Variants in SLC35F1 observed in about 807,000 individuals in gnomAD.
The protein encoded by SLC35F1 is chromosome 6 open reading frame 169.
In SLC35F1, 14 loss-of-function variants were observed where a neutral mutation model predicts 48.7. That is an observed-to-expected ratio of 0.29 (90% CI 0.19 to 0.45). The LOEUF (loss-of-function observed/expected upper bound fraction) is 0.45. Among genes scored for constraint, SLC35F1 ranks in the 20% least tolerant of loss-of-function variants. SLC35F1 has a pLI of 1.00. For missense variants in SLC35F1, 404 were observed against 500.0 expected (o/e 0.81, Z 1.83); for synonymous variants, 190 against 202.2 (o/e 0.94, Z 0.51).
Position 117,907,314 on chromosome 6 carries a change from C to T in SLC35F1, c.-413C>T, listed in dbSNP as rs1344666804. ...GGGGCACAGGCTGAGGCGGCGCCAGCACAACTGCCGCCGCGCGCCCCGAGG... is the reference window on the plus strand; with the variant it reads ...GGGGCACAGGCTGAGGCGGCGCCAGTACAACTGCCGCCGCGCGCCCCGAGG... On this transcript the variant is annotated 5_prime_UTR_variant, in exon 1 of 8. Coordinates refer to ENST00000360388, the MANE Select transcript of SLC35F1 (RefSeq NM_001029858.4). Among the ~76,000 whole-genome samples the T allele has an allele frequency of 1.3e-5, 2 of 150,956 alleles. No homozygotes were observed. The highest frequency in any genetic ancestry group is 3.0e-5 in the Non-Finnish European group (2 of 67,716).
intron 7 of SLC35F1, among the ~76,000 whole-genome samples, chr6:118,296,548 G>C (rs1460943862): frequency 6.6e-6 from 1 of 152,224 alleles, no homozygotes; most frequent in East Asian, 1.9e-4. Flanking sequence ...AGGAATATGA[G>C]AAGGATTAGA....
intron 7 of SLC35F1, among the ~76,000 whole-genome samples, chr6:118,293,920 A>G (rs1776153805): frequency 1.3e-5 from 2 of 152,238 alleles, no homozygotes; most frequent in South Asian, 4.1e-4. Context: ...AACAGCATGG[A>G]CTTCAGAGTC....
intron 1 of SLC35F1, among the ~76,000 whole-genome samples, chr6:117,947,089 G>A (rs1276620066): frequency 6.6e-6 from 1 of 152,170 alleles, no homozygotes; most frequent in Non-Finnish European, 1.5e-5. Flanking sequence ...AATTGGAAGG[G>A]TAATATAAAG....
At chr6:118,008,958 A>T (rs887573449) in intron 1 of SLC35F1, among the ~76,000 whole-genome samples, 2 of 152,210 alleles carry the variant, frequency 1.3e-5, no homozygotes, top group Non-Finnish European at 2.9e-5. Context: ...TATTATAATT[A>T]TTGAACATAT....
intron 1 of SLC35F1, among the ~76,000 whole-genome samples, chr6:118,109,897 G>T (rs748544073): frequency 4.6e-5 from 7 of 152,102 alleles, no homozygotes; most frequent in Admixed American, 2.6e-4. Context: ...TTCATTCAGC[G>T]CATAATTATT....
intron 1 of SLC35F1, among the ~76,000 whole-genome samples, chr6:117,995,486 T>C (rs760534795): frequency 1.3e-5 from 2 of 152,192 alleles, no homozygotes; most frequent in African/African-American, 4.8e-5. Context: ...AAAGGGCATG[T>C]AATCCCAGCA....
intron 1 of SLC35F1, among the ~76,000 whole-genome samples, chr6:118,118,872 C>A (rs528869453): frequency 6.6e-6 from 1 of 151,890 alleles, no homozygotes; most frequent in East Asian, 1.9e-4. Context: ...GATGTAAATG[C>A]AAACCTCTGA....
chr6:118,075,838 G>A (rs965753045), intron 1 of SLC35F1, among the ~76,000 whole-genome samples: 1 of 152,180 alleles, frequency 6.6e-6, no homozygotes, highest in African/African-American at 2.4e-5. Context: ...AGTTGAATCA[G>A]ATGTTTTTCC....
At chr6:118,053,191 C>T (rs906959540) in intron 1 of SLC35F1, among the ~76,000 whole-genome samples, 1 of 152,038 alleles carries the variant, frequency 6.6e-6, no homozygotes, top group Non-Finnish European at 1.5e-5. Context: ...ATTAGAAATC[C>T]AGTTTATGAA....
chr6:118,057,384 A>G lies in SLC35F1; in HGVS notation c.174-97061A>G, dbSNP rs143928929. 6.6e-5 allele frequency among the ~76,000 whole-genome samples: 10 copies of G among 152,290 alleles called. No homozygotes were observed. In the East Asian group the frequency reaches 1.9e-3, roughly 29 times the overall value. On this transcript the variant is annotated intron_variant, in intron 1 of 7. Transcript: ENST00000360388. ...ATCCCAGTCCCAGAGGATCCTTCTG[A>G]TGGCCACAGTGACCTTGATGGTCCC...
At chr6:118,202,860 T>C (rs1774888795) in intron 2 of SLC35F1, among the ~76,000 whole-genome samples, 1 of 152,232 alleles carries the variant, frequency 6.6e-6, no homozygotes, top group African/African-American at 2.4e-5. Flanking sequence ...GAGATGACAT[T>C]TGAGCTGAGA....
At chr6:118,106,878 T>G (rs1773333970) in intron 1 of SLC35F1, among the ~76,000 whole-genome samples, 1 of 152,202 alleles carries the variant, frequency 6.6e-6, no homozygotes, top group African/African-American at 2.4e-5. Flanking sequence ...CTTTGGATGT[T>G]CTTACCTCAT....
chr6:118,070,932 C>CTGTGTATA, intron 1 of SLC35F1, among the ~76,000 whole-genome samples: 1 of 33,086 alleles, frequency 3.0e-5, no homozygotes, highest in Non-Finnish European at 6.4e-5. Flanking sequence ...AATATATATA[C>CTGTGTATA]TATATATACA....
intron 1 of SLC35F1, among the ~76,000 whole-genome samples, chr6:118,088,328 G>A (rs1477634955): frequency 6.6e-6 from 1 of 152,134 alleles, no homozygotes; most frequent in Non-Finnish European, 1.5e-5. Context: ...TTCCATCCCT[G>A]GCACTGTGTA....
intron 1 of SLC35F1, among the ~76,000 whole-genome samples, chr6:118,009,209 A>G (rs1251664076): frequency 6.6e-6 from 1 of 152,206 alleles, no homozygotes; most frequent in Non-Finnish European, 1.5e-5. Context: ...GGAGAACACA[A>G]CAGATCTGGC....
chr6:118,176,720 T>G (rs1774494318), intron 2 of SLC35F1, among the ~76,000 whole-genome samples: 2 of 152,116 alleles, frequency 1.3e-5, no homozygotes, highest in Non-Finnish European at 2.9e-5. Flanking sequence ...GTACATTCAT[T>G]TTGTGTGTTT....
intron 2 of SLC35F1, among the ~76,000 whole-genome samples, chr6:118,226,051 A>G (rs927019873): frequency 6.6e-6 from 1 of 152,234 alleles, no homozygotes; most frequent in Non-Finnish European, 1.5e-5. Context: ...TTTGATTTTA[A>G]AATGGGAAAA....
At chr6:118,129,877 A>G (rs1773684635) in intron 1 of SLC35F1, among the ~76,000 whole-genome samples, 1 of 152,202 alleles carries the variant, frequency 6.6e-6, no homozygotes, top group South Asian at 2.1e-4. Flanking sequence ...TGTAAAAGCC[A>G]TATGATATTT....
chr6:118,082,076 C>A (rs2114322702), intron 1 of SLC35F1, among the ~76,000 whole-genome samples: 1 of 152,310 alleles, frequency 6.6e-6, no homozygotes, highest in Middle Eastern at 3.4e-3. Flanking sequence ...CAGATAATTT[C>A]TAAACCACAA....
Sources: allele counts gnomAD v4.1 joint callset (sites outside exome capture counted in the v4.1 genomes callset), GRCh38; gene constraint gnomAD v4.1.1; transcripts MANE v1.5; gene names NCBI Gene and HGNC (gene_info 2026-07-23, HGNC 2026-07-21).